KCNB2: variants seen among roughly 807,000 people sequenced by gnomAD.
KCNB2 encodes the protein potassium voltage-gated channel subfamily B member 2.
KCNB2 carries 15 observed loss-of-function variants against 61.5 expected under a neutral mutation model. The observed-to-expected ratio is 0.24, with a 90% confidence interval of 0.16 to 0.38. The LOEUF is 0.38. Among genes scored for constraint, KCNB2 ranks in the 10% least tolerant of loss-of-function variants. The pLI, the probability that KCNB2 is intolerant of heterozygous loss-of-function variation, is 1.00. For synonymous variants in KCNB2, 457 were observed against 446.0 expected (o/e 1.02, Z -0.31); for missense variants, 828 against 1,125.2 (o/e 0.74, Z 3.78).
At chr8:72,804,774 T>C (rs1226796000) in intron 2 of KCNB2, among the ~76,000 whole-genome samples, 1 of 152,196 alleles carries the variant, frequency 6.6e-6, no homozygotes, top group Non-Finnish European at 1.5e-5. Flanking sequence ...GTATTCGACT[T>C]ATATGCTAAC....
At chr8:72,734,121 G>A (rs1807797891) in intron 2 of KCNB2, among the ~76,000 whole-genome samples, 3 of 152,186 alleles carry the variant, frequency 2.0e-5, no homozygotes, top group Admixed American at 1.3e-4. Flanking sequence ...CCTTTAAGAT[G>A]TAAAAGCAGT....
intron 2 of KCNB2, among the ~76,000 whole-genome samples, chr8:72,889,303 T>C (rs1424872413): frequency 6.6e-6 from 1 of 152,114 alleles, no homozygotes; most frequent in Non-Finnish European, 1.5e-5. Flanking sequence ...CATTAAAGGA[T>C]AAGGTAGGAA....
chr8:72,929,950 T>TC (rs1316206146), intron 2 of KCNB2, among the ~76,000 whole-genome samples: 5 of 67,554 alleles, frequency 7.4e-5, no homozygotes, highest in African/African-American at 3.4e-4. Context: ...CCCTCCCCCC[T>TC]CCCCCCACCC....
intron 2 of KCNB2, among the ~76,000 whole-genome samples, chr8:72,582,918 C>CT (rs1401644708): frequency 6.6e-6 from 1 of 151,924 alleles, no homozygotes; most frequent in Non-Finnish European, 1.5e-5. Flanking sequence ...CCATGCCCGG[C>CT]TTTGAAAAAA....
intron 2 of KCNB2, among the ~76,000 whole-genome samples, chr8:72,603,506 A>C (rs1167047892): frequency 1.3e-5 from 2 of 152,134 alleles, no homozygotes; most frequent in South Asian, 2.1e-4. Context: ...GCACTCCCAT[A>C]ACACTGTGCT....
intron 2 of KCNB2, among the ~76,000 whole-genome samples, chr8:72,632,093 T>A (rs13266375): frequency 0.39 from 58,093 of 148,568 alleles, 13,589 homozygotes; most frequent in Non-Finnish European, 0.53. Flanking sequence ...TTTTTTTTTT[T>A]AAATTAGCTG....
Position 72,537,485 on chromosome 8 carries a change from C to T in KCNB2, c.-494C>T, listed in dbSNP as rs1458531872. ...TCCTTCCGCGCGGCGAGCTCAGCCCCGCTCGATTTTTCCTCTTCTGTTCCA... is the reference window on the plus strand; with the variant it reads ...TCCTTCCGCGCGGCGAGCTCAGCCCTGCTCGATTTTTCCTCTTCTGTTCCA... On this transcript the variant is annotated 5_prime_UTR_variant, in exon 1 of 3. Coordinates refer to ENST00000523207, the MANE Select transcript of KCNB2 (RefSeq NM_004770.3). The T allele has an allele frequency of 6.6e-6, 1 of 152,320 alleles. No homozygotes were observed. Among genetic ancestry groups the T allele is most frequent in the African/African-American group, 2.4e-5 (1 of 41,470 alleles). The allele number at this position is 152,320 out of a possible 1,614,324, so 9.4% of individuals were successfully genotyped here.
At chr8:72,844,466 T>C (rs985548522) in intron 2 of KCNB2, among the ~76,000 whole-genome samples, 6 of 152,214 alleles carry the variant, frequency 3.9e-5, no homozygotes, top group African/African-American at 1.4e-4. Flanking sequence ...CTATATTTCC[T>C]GAATTTGAAT....
intron 2 of KCNB2, among the ~76,000 whole-genome samples, chr8:72,799,430 C>T (rs1226258439): frequency 8.2e-6 from 1 of 122,368 alleles, no homozygotes; most frequent in East Asian, 2.0e-4. Context: ...TTATTATTCT[C>T]CAATACAGGT....
intron 2 of KCNB2, among the ~76,000 whole-genome samples, chr8:72,669,132 C>G (rs1013138031): frequency 1.3e-5 from 2 of 152,068 alleles, no homozygotes; most frequent in South Asian, 4.1e-4. Flanking sequence ...ATGAAACTGC[C>G]CACTTTCTGA....
intron 2 of KCNB2, among the ~76,000 whole-genome samples, chr8:72,631,081 AATAAT>A (rs1374831195): frequency 6.6e-6 from 1 of 152,206 alleles, no homozygotes; most frequent in African/African-American, 2.4e-5. Context: ...AACAATAACT[AATAAT>A]AAAATAAAAC....
chr8:72,582,466 A>C (rs943841595), intron 2 of KCNB2, among the ~76,000 whole-genome samples: 1 of 152,220 alleles, frequency 6.6e-6, no homozygotes, highest in African/African-American at 2.4e-5. Context: ...GTACAAGGCC[A>C]CCTGGGGAGC....
chr8:72,565,502 T>C (rs1034627599), intron 1 of KCNB2, among the ~76,000 whole-genome samples: 2 of 152,246 alleles, frequency 1.3e-5, no homozygotes, highest in African/African-American at 4.8e-5. Context: ...AGCTCTATGA[T>C]TTTCTGCAAA....
intron 2 of KCNB2, among the ~76,000 whole-genome samples, chr8:72,897,936 G>A (rs1025589574): frequency 3.3e-5 from 5 of 152,132 alleles, no homozygotes; most frequent in African/African-American, 1.2e-4. Flanking sequence ...CTCTTGGAGG[G>A]ACAGAGGTAC....
intron 2 of KCNB2, among the ~76,000 whole-genome samples, chr8:72,725,543 G>A (rs55705222): frequency 0.53 from 43,651 of 82,744 alleles, 10,911 homozygotes; most frequent in Non-Finnish European, 0.58. Flanking sequence ...ATATATATGT[G>A]TGTATATATA....
chr8:72,577,527 G>A (rs1222767333), intron 2 of KCNB2, among the ~76,000 whole-genome samples: 5 of 152,160 alleles, frequency 3.3e-5, no homozygotes, highest in Admixed American at 6.5e-5. Context: ...GATAGGGCAT[G>A]AAAATTCATA....
chr8:72,800,847 T>C (rs1328983510), intron 2 of KCNB2, among the ~76,000 whole-genome samples: 1 of 152,166 alleles, frequency 6.6e-6, no homozygotes, highest in Non-Finnish European at 1.5e-5. Context: ...AAATGGCTCT[T>C]AAAGTGGTAG....
At chr8:72,829,853 G>A (rs947404151) in intron 2 of KCNB2, among the ~76,000 whole-genome samples, 26 of 151,668 alleles carry the variant, frequency 1.7e-4, no homozygotes, top group African/African-American at 4.6e-4. Context: ...TTATGTGCTC[G>A]GCCTTCATAA....
At chr8:72,653,938 T>C (rs1224894374) in intron 2 of KCNB2, among the ~76,000 whole-genome samples, 1 of 152,224 alleles carries the variant, frequency 6.6e-6, no homozygotes, top group East Asian at 1.9e-4. Flanking sequence ...TATCTGTTTC[T>C]AATTTAGAGC....
Sources: gnomAD v4.1 joint callset for allele counts (sites outside exome capture counted in the v4.1 genomes callset) on GRCh38, gnomAD v4.1.1 for gene constraint, MANE v1.5 for transcripts, NCBI Gene and HGNC (gene_info 2026-07-23, HGNC 2026-07-21) for gene names.